FHIT: variants seen among roughly 807,000 people sequenced by gnomAD.
The protein encoded by FHIT is fragile histidine triad diadenosine triphosphatase, also known as bis(5'-adenosyl)-triphosphatase.
A neutral mutation model predicts 17.9 loss-of-function variants in FHIT; 19 were observed. The ratio of observed to expected loss-of-function variants is 1.06; its 90% CI spans 0.74 to 1.56. The LOEUF (loss-of-function observed/expected upper bound fraction) is 1.56, where lower values mean the gene tolerates loss of function less well. FHIT is among the 40% of genes most tolerant of loss of function. FHIT has a pLI of 0.00. For synonymous variants in FHIT, 81 were observed against 69.7 expected, an observed-to-expected ratio of 1.16 and a Z score of -0.81; for missense variants, 248 against 189.2, an observed-to-expected ratio of 1.31 and a Z score of -1.82.
chr3:59,838,925 G>A (rs1043655346), intron 8 of FHIT, among the ~76,000 whole-genome samples: 10 of 152,070 alleles, frequency 6.6e-5, no homozygotes, highest in African/African-American at 9.7e-5. Context: ...CCAGAGCTGC[G>A]CTACCTTGAT....
intron 3 of FHIT, among the ~76,000 whole-genome samples, chr3:60,921,446 C>A (rs574200638): frequency 6.6e-6 from 1 of 152,026 alleles, no homozygotes; most frequent in Non-Finnish European, 1.5e-5. Context: ...AAGGAGGGTT[C>A]GAATGGCAAT....
At chr3:61,208,074 C>A (rs1487655427) in intron 1 of FHIT, among the ~76,000 whole-genome samples, 1 of 151,932 alleles carries the variant, frequency 6.6e-6, no homozygotes, top group African/African-American at 2.4e-5. Flanking sequence ...CGTTATGTAC[C>A]CCATAGTCAC....
chr3:60,241,808 A>T (rs1705142410), intron 5 of FHIT, among the ~76,000 whole-genome samples: 1 of 152,118 alleles, frequency 6.6e-6, no homozygotes, highest in Admixed American at 6.6e-5. Context: ...TCTAAGACAA[A>T]GGGACTGCTA....
At chr3:60,003,813 G>C (rs913819613) in intron 7 of FHIT, among the ~76,000 whole-genome samples, 5 of 150,154 alleles carry the variant, frequency 3.3e-5, no homozygotes, top group African/African-American at 1.2e-4. Flanking sequence ...TTAATCAAAA[G>C]TACTGAATCT....
intron 3 of FHIT, among the ~76,000 whole-genome samples, chr3:60,876,324 C>T (rs373535154): frequency 3.9e-5 from 6 of 152,042 alleles, no homozygotes; most frequent in East Asian, 3.9e-4. Context: ...TGACAGATTG[C>T]CCCTGCAATT....
chr3:60,952,661 C>T (rs1708942954), intron 3 of FHIT, among the ~76,000 whole-genome samples: 1 of 152,138 alleles, frequency 6.6e-6, no homozygotes, highest in South Asian at 2.1e-4. Context: ...TCTAACCCTC[C>T]CCTTTTTCTT....
At chr3:60,940,395 A>C (rs1708360470) in intron 3 of FHIT, among the ~76,000 whole-genome samples, 1 of 150,160 alleles carries the variant, frequency 6.7e-6, no homozygotes, top group Non-Finnish European at 1.5e-5. Context: ...CTGCAATGTA[A>C]TTAATCTGAG....
chr3:60,022,209 T>C (rs1452590352), intron 5 of FHIT, among the ~76,000 whole-genome samples: 2 of 152,178 alleles, frequency 1.3e-5, no homozygotes, highest in African/African-American at 2.4e-5. Context: ...AAAAGTTGAG[T>C]ACATGTCCTA....
At position 60,089,527 on chromosome 3, in the gene FHIT, T is replaced by C. The variant is rs567857305; in HGVS notation, c.104-75375A>G. Among the ~76,000 whole-genome samples the C allele has an allele frequency of 6.6e-5, 10 of 152,262 alleles. No homozygotes were observed. The East Asian group carries it at 1.2e-3, about 18-fold the overall frequency. Reference sequence around the variant, plus strand: ...CGGAAAGAGGCCAGCTAGTCACCCATACAAGCTTCTGGGTTATGAACCTAA... The same window carrying C: ...CGGAAAGAGGCCAGCTAGTCACCCACACAAGCTTCTGGGTTATGAACCTAA... On this transcript the variant is annotated intron_variant, in intron 5 of 9. Coordinates refer to ENST00000492590, the MANE Select transcript of FHIT (RefSeq NM_002012.4).
intron 5 of FHIT, among the ~76,000 whole-genome samples, chr3:60,377,466 T>C (rs1700615917): frequency 6.7e-5 from 1 of 14,914 alleles, no homozygotes; most frequent in Admixed American, 6.3e-4. Context: ...CAAGAATTCT[T>C]TTTTTTTTTT....
intron 3 of FHIT, among the ~76,000 whole-genome samples, chr3:60,999,831 T>C (rs1250020551): frequency 6.6e-6 from 1 of 152,130 alleles, no homozygotes; most frequent in Non-Finnish European, 1.5e-5. Flanking sequence ...AATTTATTTA[T>C]GATAGTTCTG....
chr3:61,142,392 A>C (rs1428945866), intron 2 of FHIT, among the ~76,000 whole-genome samples: 4 of 151,620 alleles, frequency 2.6e-5, no homozygotes, highest in African/African-American at 9.7e-5. Flanking sequence ...AGTGCTGCTG[A>C]GAACTGCATG....
At chr3:60,125,617 C>CAAA (rs200255368) in intron 5 of FHIT, among the ~76,000 whole-genome samples, 1 of 122,762 alleles carries the variant, frequency 8.1e-6, no homozygotes, top group African/African-American at 3.1e-5. Flanking sequence ...GACACTGTCT[C>CAAA]AAAAAAAAAA....
At chr3:60,996,685 C>T (rs975121507) in intron 3 of FHIT, among the ~76,000 whole-genome samples, 3 of 152,074 alleles carry the variant, frequency 2.0e-5, no homozygotes, top group Admixed American at 6.6e-5. Flanking sequence ...GGTCATATGG[C>T]GATTTTTTTC....
At chr3:60,200,603 G>C (rs1435397127) in intron 5 of FHIT, among the ~76,000 whole-genome samples, 2 of 151,666 alleles carry the variant, frequency 1.3e-5, no homozygotes, top group African/African-American at 4.8e-5. Context: ...TTGAACTCTA[G>C]GGACAGCATT....
intron 5 of FHIT, among the ~76,000 whole-genome samples, chr3:60,473,826 G>T (rs573371440): frequency 6.6e-6 from 1 of 152,156 alleles, no homozygotes; most frequent in South Asian, 2.1e-4. Flanking sequence ...AGGAGGCCGA[G>T]GCAGGAGAAT....
chr3:60,568,229 T>C (rs892421410), intron 4 of FHIT, among the ~76,000 whole-genome samples: 8 of 152,094 alleles, frequency 5.3e-5, no homozygotes, highest in Non-Finnish European at 8.8e-5. Context: ...AATGATAGAC[T>C]GGATTAACAA....
At chr3:60,267,356 C>A (rs992320201) in intron 5 of FHIT, among the ~76,000 whole-genome samples, 13 of 151,740 alleles carry the variant, frequency 8.6e-5, no homozygotes, top group Non-Finnish European at 1.5e-4. Flanking sequence ...TTGCAAATTG[C>A]ATAATGTAAT....
chr3:60,357,061 C>T (rs1399550934), intron 5 of FHIT, among the ~76,000 whole-genome samples: 2 of 152,122 alleles, frequency 1.3e-5, no homozygotes, highest in African/African-American at 2.4e-5. Flanking sequence ...GTTCAAATTA[C>T]GTTTCTTTCC....
Sources: allele counts gnomAD v4.1 joint callset (sites outside exome capture counted in the v4.1 genomes callset), GRCh38; gene constraint gnomAD v4.1.1; transcripts MANE v1.5; gene names NCBI Gene and HGNC (gene_info 2026-07-23, HGNC 2026-07-21).